USP2: variants seen among roughly 807,000 people sequenced by gnomAD.
The protein encoded by USP2 is ubiquitin carboxyl-terminal hydrolase 2.
In USP2, 33 loss-of-function variants were observed where a neutral mutation model predicts 72.0. The observed-to-expected ratio is 0.46, with a 90% confidence interval of 0.35 to 0.61. The LOEUF is 0.61. Ranked by LOEUF, USP2 falls within the 20% of genes least tolerant of loss-of-function variation. USP2 has a pLI of 0.01. For synonymous variants in USP2, 296 were observed against 312.5 expected, an observed-to-expected ratio of 0.95 and a Z score of 0.56; for missense variants, 691 against 797.8, an observed-to-expected ratio of 0.87 and a Z score of 1.61.
At chr11:119,367,644 G>A (rs918324466) in intron 2 of USP2, among the ~76,000 whole-genome samples, 2 of 152,162 alleles carry the variant, frequency 1.3e-5, no homozygotes, top group African/African-American at 2.4e-5. Context: ...CCTGCATGAC[G>A]TGGACCCCAA....
chr11:119,357,302 C>A lies in USP2; in HGVS notation c.1615G>T (p.Ala539Ser). Residue 539 changes from alanine (A) to serine (S), a missense_variant, in exon 12 of 13, where the codon GCT (alanine) becomes TCT (serine). Physicochemically the swap from Ala to Ser is moderately conservative, Grantham distance 99 (BLOSUM62 1). Coordinates refer to ENST00000260187, the MANE Select transcript of USP2 (RefSeq NM_004205.5). ...GACACAGCGTACAGGTTGTAAACAGCATGGTCTGAGGAGGAGGCAGCCGTC... is the reference window on the plus strand; with the variant it reads ...GACACAGCGTACAGGTTGTAAACAGAATGGTCTGAGGAGGAGGCAGCCGTC... ...REFASENTNH[A>S]VYNLYAVSNH... 1 of 1,613,502 alleles carries A rather than the reference C, an allele frequency of 6.2e-7. No individual in the cohort carries two copies. Among genetic ancestry groups the A allele is most frequent in the Non-Finnish European group, 8.5e-7 (1 of 1,179,890 alleles).
At position 119,361,154 on chromosome 11, in the gene USP2, C is replaced by T. The variant is rs76141905; in HGVS notation, c.775-920G>A. Among the ~76,000 whole-genome samples the T allele has an allele frequency of 6.3e-3, 966 of 152,348 alleles. 12 individuals are homozygous for T. The highest frequency in any genetic ancestry group is 0.021 in the African/African-American group (871 of 41,574). On this transcript the variant is annotated intron_variant, in intron 2 of 12. Coordinates refer to ENST00000260187, the MANE Select transcript of USP2 (RefSeq NM_004205.5). Reference sequence around the variant, plus strand: ...TAAAGACTCGGAGAATCCTCCCTGCCTGGCTCAGGTTTCAACATCCTGACT... The same window carrying T: ...TAAAGACTCGGAGAATCCTCCCTGCTTGGCTCAGGTTTCAACATCCTGACT...
At chr11:119,357,386 T>C in intron 11 of USP2, 79 bp from the exon 12 acceptor site, 1 of 1,594,196 alleles carries the variant, frequency 6.3e-7, no homozygotes, top group Non-Finnish European at 8.6e-7. Flanking sequence ...TCTGGGTCTC[T>C]CAGTAGCTGG....
At chr11:119,364,249 T>G in intron 2 of USP2, 1 of 1,003,624 alleles carries the variant, frequency 1.0e-6, no homozygotes, top group Non-Finnish European at 1.2e-6. Flanking sequence ...ACGTCAGCGC[T>G]GGGGCGGGGC....
Position 119,356,871 on chromosome 11 carries a change from G to A in USP2, c.1782C>T (p.Leu594=). 6.4e-7 allele frequency: 1 copy of A among 1,565,886 alleles called. No homozygotes were observed. Among genetic ancestry groups the A allele is most frequent in the Non-Finnish European group, 8.7e-7 (1 of 1,155,586 alleles). Residue 594 remains leucine (L), a synonymous_variant, in exon 13 of 13, where the codon CTC becomes CTT. Transcript: ENST00000260187. The part of the protein sequence containing the change: ...SQVRTSDAYL[L]FYELASPPSR... ...AGGGCGGGCTGGCCAGTTCGTAGAA[G>A]AGCAGGTAGGCGTCGCTGGTGCGCA...
At chr11:119,366,976 T>TG (rs1241207313) in intron 2 of USP2, among the ~76,000 whole-genome samples, 2 of 152,114 alleles carry the variant, frequency 1.3e-5, no homozygotes, top group African/African-American at 4.8e-5. Flanking sequence ...AGTCTGGGGT[T>TG]GGGGGAAAGA....
intron 1 of USP2, among the ~76,000 whole-genome samples, chr11:119,375,014 A>G (rs533238141): frequency 5.3e-5 from 8 of 152,350 alleles, no homozygotes; most frequent in African/African-American, 1.9e-4. Context: ...ACTGCGAGGC[A>G]GCATGGCTCC....
chr11:119,367,203 C>G (rs1220972576), intron 2 of USP2, among the ~76,000 whole-genome samples: 1 of 152,222 alleles, frequency 6.6e-6, no homozygotes, highest in African/African-American at 2.4e-5. Flanking sequence ...CAAAGCTAAA[C>G]TGAGCTGGGC....
At chr11:119,376,136 C>T (rs542930308) in intron 1 of USP2, 354 of 978,990 alleles carry the variant, frequency 3.6e-4, no homozygotes, top group Non-Finnish European at 4.0e-4. Context: ...ACATGTCTCT[C>T]CCCTCCCGCA....
At chr11:119,361,553 C>T (rs931060253) in intron 2 of USP2, among the ~76,000 whole-genome samples, 6 of 142,662 alleles carry the variant, frequency 4.2e-5, no homozygotes, top group Non-Finnish European at 9.2e-5. Context: ...TTACTCATGC[C>T]GTGTGCTGAC....
Position 119,364,396 on chromosome 11 carries a change from C to A in USP2, c.775-4162G>T, listed in dbSNP as rs566814564. 5.3e-5 allele frequency among the ~76,000 whole-genome samples: 8 copies of A among 152,162 alleles called. No individual in the cohort carries two copies. The South Asian group carries it at 1.4e-3, about 28-fold the overall frequency. On this transcript the variant is annotated intron_variant, in intron 2 of 12. Coordinates refer to ENST00000260187, the MANE Select transcript of USP2 (RefSeq NM_004205.5). ...CCGGCGCCCCCAGCCCGCTGACCCC[C>A]GGCCAGGCAGGCCCGCGGGGGAGGC...
At chr11:119,380,854 CCAG>C in intron 1 of USP2, 1 of 155,778 alleles carries the variant, frequency 6.4e-6, no homozygotes. Flanking sequence ...ACCACTACCT[CCAG>C]CTCAGTCCCA....
chr11:119,356,829 C>T lies in USP2; in HGVS notation c.*6G>A. ...GGGGAAGGGAGAAGGGACGTGGCTCCTGGCGCTACATTCGGGAGGGCGGGC... is the reference window on the plus strand; with the variant it reads ...GGGGAAGGGAGAAGGGACGTGGCTCTTGGCGCTACATTCGGGAGGGCGGGC... On this transcript the variant is annotated 3_prime_UTR_variant, in exon 13 of 13. Coordinates refer to ENST00000260187, the MANE Select transcript of USP2 (RefSeq NM_004205.5). 6.4e-7 allele frequency: 1 copy of T among 1,558,660 alleles called. No individual in the cohort carries two copies. The highest frequency in any genetic ancestry group is 2.4e-5 in the East Asian group (1 of 42,394).
intron 2 of USP2, among the ~76,000 whole-genome samples, chr11:119,371,821 C>T (rs976020300): frequency 2.0e-5 from 3 of 152,228 alleles, no homozygotes; most frequent in African/African-American, 4.8e-5. Context: ...ACCCACCACC[C>T]ACACATCCAT....
chr11:119,358,618 C>CACAG, intron 7 of USP2, 155 bp downstream of exon 7: 17 of 952,144 alleles, frequency 1.8e-5, no homozygotes, highest in Non-Finnish European at 2.8e-5. Flanking sequence ...GCCCGGCCTG[C>CACAG]ACAGCATCTT....
rs1402641977 is a variant in USP2 at position 119,357,274 on chromosome 11, T to C, written c.1643A>G (p.Asn548Ser). Reference sequence around the variant, plus strand: ...GCCACCCATGGTGGTTCCGGAGTGATTGGACACAGCGTACAGGTTGTAAAC... The same window carrying C: ...GCCACCCATGGTGGTTCCGGAGTGACTGGACACAGCGTACAGGTTGTAAAC... ...HAVYNLYAVS[N>S]HSGTTMGGHY... The change falls in exon 12 of 13, where the codon AAT becomes AGT. Residue 548 changes from asparagine to serine, a missense_variant. Transcript: ENST00000260187. The C allele has an allele frequency of 2.5e-6, 4 of 1,613,088 alleles. No individual in the cohort carries two copies. The highest frequency in any genetic ancestry group is 2.2e-5 in the East Asian group (1 of 44,750).
intron 2 of USP2, among the ~76,000 whole-genome samples, chr11:119,362,356 TG>T (rs1383816884): frequency 6.6e-6 from 1 of 151,632 alleles, no homozygotes; most frequent in African/African-American, 2.4e-5. Context: ...TCTATTGGCC[TG>T]GGGGGTGGGG....
intron 2 of USP2, among the ~76,000 whole-genome samples, chr11:119,364,362 C>A (rs1320689055): frequency 6.6e-6 from 1 of 151,966 alleles, no homozygotes; most frequent in Non-Finnish European, 1.5e-5. Flanking sequence ...CGGGCCTTCC[C>A]CGCGCTCCCC....
chr11:119,376,156 TTCAC>T lies in USP2; in HGVS notation c.-41-2639_-41-2636del, dbSNP rs201318408. On this transcript the variant is annotated intron_variant, in intron 1 of 12. Coordinates refer to ENST00000260187, the MANE Select transcript of USP2 (RefSeq NM_004205.5). Reference sequence around the variant, plus strand: ...TCTCTCCCCTCCCGCAACCCCCAGTTTCACTCTCAAAGGTCCTAGCACCTTCCAG... The same window carrying T: ...TCTCTCCCCTCCCGCAACCCCCAGTTTCTCAAAGGTCCTAGCACCTTCCAG... 8.5e-5 allele frequency: 84 copies of T among 985,210 alleles called. 1 individual carries two copies. The East Asian group carries it at 3.2e-3, about 37-fold the overall frequency. 61.0% of individuals were successfully genotyped at this position (985,210 alleles called of 1,614,324 possible). A position where few individuals can be genotyped will look rare whatever the true frequency, so the allele number is the denominator to read the frequency against.
Sources: gnomAD v4.1 joint callset for allele counts (sites outside exome capture counted in the v4.1 genomes callset) on GRCh38, gnomAD v4.1.1 for gene constraint, MANE v1.5 for transcripts, NCBI Gene and HGNC (gene_info 2026-07-23, HGNC 2026-07-21) for gene names.